Variants in BMPR1B observed in about 807,000 individuals in gnomAD.
The protein encoded by BMPR1B is bone morphogenetic protein receptor type 1B.
BMPR1B carries 12 observed loss-of-function variants against 59.1 expected under a neutral mutation model. The ratio of observed to expected loss-of-function variants is 0.20; its 90% CI spans 0.13 to 0.33. The LOEUF is 0.33. BMPR1B is among the 10% of genes least tolerant of loss of function. The pLI, the probability that BMPR1B is intolerant of heterozygous loss-of-function variation, is 1.00. For synonymous variants in BMPR1B, 237 were observed against 207.3 expected (o/e 1.14, Z -1.23); for missense variants, 550 against 610.9 (o/e 0.90, Z 1.05).
intron 1 of BMPR1B, among the ~76,000 whole-genome samples, chr4:94,835,160 A>T (rs978168223): frequency 2.0e-5 from 3 of 152,036 alleles, no homozygotes; most frequent in Admixed American, 2.0e-4. Flanking sequence ...AGTGTGGGTT[A>T]TCTTTACAGC....
intron 10 of BMPR1B, 55 bp downstream of exon 10, chr4:95,131,567 AT>A: frequency 1.3e-6 from 2 of 1,587,102 alleles, no homozygotes; most frequent in Admixed American, 1.7e-5. Context: ...GTTACTTTTT[AT>A]TTTGTAGCGC....
Position 95,115,754 on chromosome 4 carries a change from C to G in BMPR1B, c.316C>G (p.Leu106Val). 6.2e-7 allele frequency: 1 copy of G among 1,613,228 alleles called. No homozygotes were observed. Among genetic ancestry groups the G allele is most frequent in the Non-Finnish European group, 8.5e-7 (1 of 1,179,444 alleles). The change falls in exon 6 of 13, where the codon CTA becomes GTA. Residue 106 changes from leucine to valine, a missense_variant. Physicochemically the swap from Leu to Val is conservative, Grantham distance 32. Transcript: ENST00000515059. Reference sequence around the variant, plus strand: ...AGAAAGGAACGAATGTAATAAAGACCTACACCCTACACTGCCTCCATTGAA... The same window carrying G: ...AGAAAGGAACGAATGTAATAAAGACGTACACCCTACACTGCCTCCATTGAA... Reference protein sequence around the residue: ...CTERNECNKDLHPTLPPLKNR... With the variant: ...CTERNECNKDVHPTLPPLKNR...
chr4:95,140,453 C>G (rs1734146943), intron 10 of BMPR1B, among the ~76,000 whole-genome samples: 1 of 152,106 alleles, frequency 6.6e-6, no homozygotes, highest in Non-Finnish European at 1.5e-5. Context: ...CTTATATATT[C>G]CATGCTTGCT....
intron 2 of BMPR1B, among the ~76,000 whole-genome samples, chr4:94,945,660 C>G (rs1729682095): frequency 6.6e-6 from 1 of 152,292 alleles, no homozygotes; most frequent in Non-Finnish European, 1.5e-5. Context: ...GTCTCAAAAT[C>G]CTAGGCTCAA....
intron 2 of BMPR1B, among the ~76,000 whole-genome samples, chr4:94,910,038 C>T (rs1490560685): frequency 6.6e-6 from 1 of 151,534 alleles, no homozygotes; most frequent in Non-Finnish European, 1.5e-5. Flanking sequence ...GAGCGAGACT[C>T]CGTCTCCAAA....
At chr4:94,769,176 T>C (rs1313400632) in intron 1 of BMPR1B, among the ~76,000 whole-genome samples, 1 of 152,210 alleles carries the variant, frequency 6.6e-6, no homozygotes, top group Non-Finnish European at 1.5e-5. Context: ...ACAATAATAT[T>C]TTACATCTGT....
intron 10 of BMPR1B, among the ~76,000 whole-genome samples, chr4:95,141,345 T>C (rs888815472): frequency 2.6e-4 from 40 of 152,186 alleles, no homozygotes; most frequent in Non-Finnish European, 8.8e-5. Flanking sequence ...GCTTACCCTG[T>C]GCTGAATTCT....
chr4:95,123,772 A>G (rs1283795144), intron 6 of BMPR1B, 38 bp from the exon 7 acceptor site: 2 of 1,459,900 alleles, frequency 1.4e-6, no homozygotes, highest in Non-Finnish European at 9.6e-7. Context: ...AAGTAAAAAT[A>G]TTCTCTTGAT....
intron 2 of BMPR1B, among the ~76,000 whole-genome samples, chr4:94,914,847 T>C (rs1728422467): frequency 6.6e-6 from 1 of 152,180 alleles, no homozygotes; most frequent in Admixed American, 6.6e-5. Context: ...TCATTTTGAC[T>C]AAGTAGTCAA....
chr4:95,075,156 C>G (rs1222905854), intron 3 of BMPR1B, among the ~76,000 whole-genome samples: 1 of 152,086 alleles, frequency 6.6e-6, no homozygotes, highest in African/African-American at 2.4e-5. Context: ...TAACTCAAAC[C>G]TTATCTTTAA....
intron 3 of BMPR1B, among the ~76,000 whole-genome samples, chr4:95,077,524 G>A (rs1579039732): frequency 6.6e-6 from 1 of 152,126 alleles, no homozygotes; most frequent in Admixed American, 6.5e-5. Flanking sequence ...AGCACAAAGC[G>A]CACAAGCACT....
At chr4:95,134,437 C>T (rs1366373934) in intron 10 of BMPR1B, among the ~76,000 whole-genome samples, 1 of 152,150 alleles carries the variant, frequency 6.6e-6, no homozygotes, top group African/African-American at 2.4e-5. Context: ...CTTGAGGAAT[C>T]ACCACACTGT....
intron 2 of BMPR1B, among the ~76,000 whole-genome samples, chr4:94,938,447 G>GT (rs1729396887): frequency 6.6e-6 from 1 of 151,162 alleles, no homozygotes; most frequent in South Asian, 2.1e-4. Flanking sequence ...GTGAGCTGAG[G>GT]TTGTACCACT....
intron 10 of BMPR1B, among the ~76,000 whole-genome samples, chr4:95,138,641 C>G (rs1213284819): frequency 6.6e-6 from 1 of 152,140 alleles, no homozygotes; most frequent in Admixed American, 6.5e-5. Context: ...TCTCTTCTCA[C>G]TTCATTTCAT....
intron 3 of BMPR1B, among the ~76,000 whole-genome samples, chr4:95,030,305 G>T (rs1478134378): frequency 6.6e-6 from 1 of 152,100 alleles, no homozygotes; most frequent in Non-Finnish European, 1.5e-5. Context: ...AAGGTGTAAG[G>T]AAGGGATCCA....
At chr4:95,097,685 G>A (rs1304022789) in intron 3 of BMPR1B, among the ~76,000 whole-genome samples, 7 of 151,942 alleles carry the variant, frequency 4.6e-5, no homozygotes, top group Admixed American at 4.6e-4. Context: ...CTACAGGCAT[G>A]TGCCACCATG....
intron 2 of BMPR1B, among the ~76,000 whole-genome samples, chr4:94,908,253 G>A (rs1728135895): frequency 6.6e-6 from 1 of 151,396 alleles, no homozygotes; most frequent in African/African-American, 2.4e-5. Context: ...TCAGAATTAT[G>A]GAATTTTGTA....
At chr4:95,026,140 T>TTCTTTCTTTCTTTCTTTCTTTCTTTCTC (rs1560603059) in intron 3 of BMPR1B, among the ~76,000 whole-genome samples, 6 of 149,340 alleles carry the variant, frequency 4.0e-5, no homozygotes, top group African/African-American at 1.5e-4. Context: ...CTTTCTTTCT[T>TTCTTTCTTTCTTTCTTTCTTTCTTTCTC]TCTTTCTTTC....
intron 4 of BMPR1B, among the ~76,000 whole-genome samples, chr4:95,111,408 G>A (rs1420713093): frequency 6.6e-6 from 1 of 152,018 alleles, no homozygotes; most frequent in African/African-American, 2.4e-5. Flanking sequence ...AGGGACCAAA[G>A]TTTGGGTAAA....
Sources: allele counts gnomAD v4.1 joint callset (sites outside exome capture counted in the v4.1 genomes callset), GRCh38; gene constraint gnomAD v4.1.1; transcripts MANE v1.5; gene names NCBI Gene and HGNC (gene_info 2026-07-23, HGNC 2026-07-21).